CNTNAP1: variants seen among roughly 807,000 people sequenced by gnomAD.
CNTNAP1 encodes the protein contactin associated protein 1.
In CNTNAP1, 80 loss-of-function variants were observed where a neutral mutation model predicts 161.5. The observed-to-expected ratio is 0.50, with a 90% confidence interval of 0.41 to 0.60. CNTNAP1 has a LOEUF of 0.60. Ranked by LOEUF, CNTNAP1 falls within the 20% of genes least tolerant of loss-of-function variation. The pLI is 0.00. For missense variants in CNTNAP1, 1,464 were observed against 1,854.8 expected (o/e 0.79, Z 3.87); for synonymous variants, 695 against 733.1 (o/e 0.95, Z 0.84).
intron 20 of CNTNAP1, among the ~76,000 whole-genome samples, 169 bp from the exon 21 acceptor site, chr17:42,697,105 T>A (rs2053160726): frequency 6.6e-6 from 1 of 152,174 alleles, no homozygotes; most frequent in Admixed American, 6.5e-5. Context: ...CACTTCAGAT[T>A]GAGCTAGGAC....
chr17:42,690,671 A>G lies in CNTNAP1; in HGVS notation c.1856-68A>G, dbSNP rs1597807809. 3.3e-6 allele frequency: 5 copies of G among 1,499,414 alleles called. No individual in the cohort carries two copies. The South Asian group carries it at 6.0e-5, about 18-fold the overall frequency. The allele number at this position is 1,499,414 out of a possible 1,614,324, so 92.9% of individuals were successfully genotyped here. A position where few individuals can be genotyped will look rare whatever the true frequency, so the allele number is the denominator to read the frequency against. On this transcript the variant is annotated intron_variant, in intron 12 of 23. Coordinates refer to ENST00000264638, the MANE Select transcript of CNTNAP1 (RefSeq NM_003632.3). ...CTCTGAGTTGCAGCAGCGGTGGTGG[A>G]GGTGGGCAGGGAGATGGGTAGAGAA...
chr17:42,698,967 TCC>T lies in CNTNAP1; in HGVS notation c.*61_*62del. The T allele has an allele frequency of 6.9e-7, 1 of 1,440,454 alleles. No homozygotes were observed. Among genetic ancestry groups the T allele is most frequent in the Non-Finnish European group, 9.2e-7 (1 of 1,089,910 alleles). 89.2% of individuals were successfully genotyped at this position (1,440,454 alleles called of 1,614,324 possible). On this transcript the variant is annotated 3_prime_UTR_variant, in exon 24 of 24. Transcript: ENST00000264638. ...CCTGACATTCCCCCAGTCCTGCCTC[TCC>T]CCCATCCTATCAGGGACATTTGGCT...
In CNTNAP1 at chr17:42,686,063, T is replaced by C. The variant is rs989250604; in HGVS notation, c.822T>C (p.Asp274=). The C allele has an allele frequency of 1.9e-6, 3 of 1,614,158 alleles. No homozygotes were observed. Among genetic ancestry groups the C allele is most frequent in the Non-Finnish European group, 2.5e-6 (3 of 1,180,034 alleles). ...HYVRVDRFGR[D]VNFTLDGYVQ... is the part of the protein sequence containing the mutation. The stretch of plus-strand genomic sequence containing the variant: ...TGCGGGTGGACCGATTTGGCCGCGA[T>C]GTAAATTTCACCCTGGACGGCTATG... The change falls in exon 6 of 24, where the codon GAT becomes GAC. Residue 274 remains aspartate, a synonymous_variant. Transcript: ENST00000264638.
Position 42,687,999 on chromosome 17 carries a change from G to T in CNTNAP1, c.1306+18G>T. On this transcript the variant is annotated intron_variant, in intron 8 of 23. Coordinates refer to ENST00000264638, the MANE Select transcript of CNTNAP1 (RefSeq NM_003632.3). This position sits in a 1 kb window ranked among gnomAD's most constrained non-coding sequence, Gnocchi z 4.7. ...CGCTGCTGGTGAGGGCGTTTCGGGG[G>T]AGGCACAAGAAGAGAAGAGAAGTGT... 6.2e-7 allele frequency: 1 copy of T among 1,608,648 alleles called. No homozygotes were observed. The highest frequency in any genetic ancestry group is 8.5e-7 in the Non-Finnish European group (1 of 1,177,180).
chr17:42,689,620 C>T lies in CNTNAP1; in HGVS notation c.1728C>T (p.Cys576=). 6.2e-7 allele frequency: 1 copy of T among 1,613,376 alleles called. No homozygotes were observed. Among genetic ancestry groups the T allele is most frequent in the Non-Finnish European group, 8.5e-7 (1 of 1,179,476 alleles). ...CELTGYKGET[C]HTPLYKESCE... ...TGACGGGCTACAAGGGAGAGACCTG[C>T]CACACACGTAAGCCAGATGTGGTAT... Residue 576 remains cysteine, a synonymous_variant, in exon 11 of 24, where the codon TGC becomes TGT. Transcript: ENST00000264638.
In CNTNAP1 at chr17:42,698,852, C is replaced by A. The variant is rs1234269938; in HGVS notation, c.4097C>A (p.Ala1366Asp). Reference sequence around the variant, plus strand: ...GCCCCAGCCCCAACTCCAGCCCCAGCCCCTGGCCCCCGGGATCAGAACCTA... The same window carrying A: ...GCCCCAGCCCCAACTCCAGCCCCAGACCCTGGCCCCCGGGATCAGAACCTA... ...APAPAPTPAPAPGPRDQNLPQ... is the reference protein window; with the variant it reads ...APAPAPTPAPDPGPRDQNLPQ... Residue 1366 changes from alanine (A) to aspartate (D), a missense_variant, in exon 24 of 24, where the codon GCC (alanine) becomes GAC (aspartate). This residue lies in a region of CNTNAP1 where 1,383 missense variants were observed against 1,765.0 expected (regional missense o/e 0.78). Transcript: ENST00000264638. The A allele has an allele frequency of 1.3e-6, 2 of 1,590,630 alleles. No homozygotes were observed. The highest frequency in any genetic ancestry group is 4.5e-5 in the East Asian group (2 of 44,728).
Position 42,691,030 on chromosome 17 carries a change from T to C in CNTNAP1, c.2059+88T>C. Reference sequence around the variant, plus strand: ...GGAAGCCAGAGAGCCAGCTGGGGCCTTGGGTTGGAAGATTCAAGGAGGGGT... The same window carrying C: ...GGAAGCCAGAGAGCCAGCTGGGGCCCTGGGTTGGAAGATTCAAGGAGGGGT... On this transcript the variant is annotated intron_variant, in intron 13 of 23. Coordinates refer to ENST00000264638, the MANE Select transcript of CNTNAP1 (RefSeq NM_003632.3). The surrounding 1 kb of genome is among the most constrained non-coding windows in gnomAD (Gnocchi z 4.3). The C allele has an allele frequency of 6.3e-7, 1 of 1,598,290 alleles. No individual in the cohort carries two copies. Among genetic ancestry groups the C allele is most frequent in the Non-Finnish European group, 8.5e-7 (1 of 1,170,430 alleles).
intron 18 of CNTNAP1, 50 bp from the exon 19 acceptor site, chr17:42,695,471 T>G (rs369067825): frequency 2.1e-6 from 3 of 1,405,636 alleles, no homozygotes; most frequent in South Asian, 1.3e-5. Context: ...AACCTCTGAA[T>G]TGGGGAGTGA....
In CNTNAP1 at chr17:42,692,755, C is replaced by T. The variant is rs373092824; in HGVS notation, c.2752+35C>T. On this transcript the variant is annotated intron_variant, in intron 17 of 23. Coordinates refer to ENST00000264638, the MANE Select transcript of CNTNAP1 (RefSeq NM_003632.3). ...AACCCAGAGGCAAGTCTGAAGCCTC[C>T]TTTACCTCCCCATCCTCCAAGGCCA... is the stretch of plus-strand genomic sequence containing the variant. The T allele has an allele frequency of 1.1e-3, 1,659 of 1,558,354 alleles. 5 individuals carry two copies. The highest frequency in any genetic ancestry group is 1.3e-3 in the Non-Finnish European group (1,483 of 1,145,832).
At position 42,699,224 on chromosome 17, in the gene CNTNAP1, A is replaced by G. The variant is rs941491616; in HGVS notation, c.*314A>G. The G allele has an allele frequency of 3.3e-6, 1 of 307,656 alleles. No individual in the cohort carries two copies. The highest frequency in any genetic ancestry group is 2.2e-5 in the African/African-American group (1 of 46,440). The allele number at this position is 307,656 out of a possible 1,614,324, so 19.1% of individuals were successfully genotyped here. A position where few individuals can be genotyped will look rare whatever the true frequency, so the allele number is the denominator to read the frequency against. ...TGCCATCTCTGTTCCAGCTGCTGTCAGGGATTAACAACAGAGTGTAGGGGA... is the reference window on the plus strand; with the variant it reads ...TGCCATCTCTGTTCCAGCTGCTGTCGGGGATTAACAACAGAGTGTAGGGGA... On this transcript the variant is annotated 3_prime_UTR_variant, in exon 24 of 24. Coordinates refer to ENST00000264638, the MANE Select transcript of CNTNAP1 (RefSeq NM_003632.3).
chr17:42,684,312 G>A, intron 3 of CNTNAP1, 83 bp downstream of exon 3: 1 of 1,369,852 alleles, frequency 7.3e-7, no homozygotes, highest in Non-Finnish European at 1.0e-6. Context: ...CTGGGAAAAT[G>A]GAGGGGGTGG....
chr17:42,687,893 G>A lies in CNTNAP1; in HGVS notation c.1218G>A (p.Gly406=), dbSNP rs1307517221. The stretch of plus-strand genomic sequence containing the variant: ...TCCTTTTCTCCCGTCTGGGGGACGG[G>A]CTGGGCCACGTGGAGCTGACGCTCA... ...GLLLFSRLGD[G]LGHVELTLSE... The change falls in exon 8 of 24, where the codon GGG becomes GGA. Residue 406 remains glycine, a synonymous_variant. Coordinates refer to ENST00000264638, the MANE Select transcript of CNTNAP1 (RefSeq NM_003632.3). This position sits in a 1 kb window ranked among gnomAD's most constrained non-coding sequence, Gnocchi z 4.7. 3.1e-6 allele frequency: 5 copies of A among 1,614,092 alleles called. No homozygotes were observed. The highest frequency in any genetic ancestry group is 4.2e-6 in the Non-Finnish European group (5 of 1,180,056).
intron 1 of CNTNAP1, chr17:42,683,234 G>A (rs1049275467): frequency 1.8e-6 from 1 of 563,114 alleles, no homozygotes; most frequent in African/African-American, 2.0e-5. Flanking sequence ...GTTTTGCCAG[G>A]GCTTAAGGCT....
In CNTNAP1 at chr17:42,688,455, T is replaced by C; in HGVS notation, c.1307-7T>C. ...CTCCACCCACACCATCATCCATTCTTGTCCAGGGTACCGACTGAATGACGG... is the reference window on the plus strand; with the variant it reads ...CTCCACCCACACCATCATCCATTCTCGTCCAGGGTACCGACTGAATGACGG... On this transcript the variant is annotated splice_region_variant and splice_polypyrimidine_tract_variant and intron_variant, in intron 8 of 23. Coordinates refer to ENST00000264638, the MANE Select transcript of CNTNAP1 (RefSeq NM_003632.3). The C allele has an allele frequency of 6.2e-7, 1 of 1,614,218 alleles. No homozygotes were observed. The highest frequency in any genetic ancestry group is 8.5e-7 in the Non-Finnish European group (1 of 1,180,034).
At position 42,688,886 on chromosome 17, in the gene CNTNAP1, G is replaced by A. The variant is rs750998655; in HGVS notation, c.1467G>A (p.Lys489=). 20 of 1,613,808 alleles carry A rather than the reference G, an allele frequency of 1.2e-5. No homozygotes were observed. The highest frequency in any genetic ancestry group is 3.3e-5 in the Admixed American group (2 of 59,986). ...GGGTGGTTGCTCCAGGTTGTCCCAA[G>A]CCAGCCAGTCGATGGGACTGCCACT... ...GTSYFFGGCP[K]PASRWDCHSN... Residue 489 remains lysine, a synonymous_variant, in exon 10 of 24, where the codon AAG becomes AAA. Transcript: ENST00000264638.
At position 42,684,030 on chromosome 17, in the gene CNTNAP1, C is replaced by G. The variant is rs369648544; in HGVS notation, c.170-6C>G. 8.7e-6 allele frequency: 14 copies of G among 1,613,922 alleles called. No homozygotes were observed. The African/African-American group carries it at 1.6e-4, about 18-fold the overall frequency. ...TAGCCGGTTAAAGCTCCTGTCCTTTCTATAGGCATAAGCGGGTGGTCACCA... is the reference window on the plus strand; with the variant it reads ...TAGCCGGTTAAAGCTCCTGTCCTTTGTATAGGCATAAGCGGGTGGTCACCA... On this transcript the variant is annotated splice_polypyrimidine_tract_variant and splice_region_variant and intron_variant, in intron 2 of 23. Transcript: ENST00000264638.
intron 1 of CNTNAP1, chr17:42,683,501 T>C: frequency 8.5e-7 from 1 of 1,175,972 alleles, no homozygotes; most frequent in Non-Finnish European, 1.1e-6. Flanking sequence ...TTGACTTAGG[T>C]TGTGGAAGAT....
chr17:42,686,631 G>A (rs776491409), intron 6 of CNTNAP1, among the ~76,000 whole-genome samples: 52 of 152,306 alleles, frequency 3.4e-4, no homozygotes, highest in African/African-American at 1.0e-3. Flanking sequence ...ACTTTGTGGA[G>A]TTGTTAAAGA....
intron 2 of CNTNAP1, 49 bp downstream of exon 2, chr17:42,683,971 G>T (rs749024570): frequency 3.7e-6 from 6 of 1,613,228 alleles, no homozygotes; most frequent in Non-Finnish European, 5.1e-6. Flanking sequence ...ACCGCGGAAG[G>T]GTGGGGGCCT....
Sources: gnomAD v4.1 joint callset for allele counts (sites outside exome capture counted in the v4.1 genomes callset) on GRCh38, gnomAD v4.1.1 for gene constraint, gnomAD v4.1.1 regional missense constraint, Gnocchi (gnomAD v3.1) non-coding constraint, MANE v1.5 for transcripts, NCBI Gene and HGNC (gene_info 2026-07-23, HGNC 2026-07-21) for gene names.